The following SNX30 variants were observed in gnomAD, a reference collection of about 807,000 sequenced individuals.
SNX30 encodes sorting nexin family member 30.
A neutral mutation model predicts 46.4 loss-of-function variants in SNX30; 24 were observed. That is an observed-to-expected ratio of 0.52 (90% CI 0.37 to 0.73). The LOEUF is 0.73. Ranked by LOEUF, SNX30 falls within the 30% of genes least tolerant of loss-of-function variation. The probability of loss-of-function intolerance (pLI) is 0.00; values close to 1 mark genes in which losing one functional copy is unlikely to be tolerated. For missense variants in SNX30, 533 were observed against 555.7 expected, an observed-to-expected ratio of 0.96 and a Z score of 0.41; for synonymous variants, 189 against 211.5, an observed-to-expected ratio of 0.89 and a Z score of 0.92.
chr9:112,868,717 C>T (rs1588145046), intron 8 of SNX30, 67 bp from the exon 9 acceptor site: 2 of 1,544,342 alleles, frequency 1.3e-6, no homozygotes, highest in East Asian at 4.5e-5. Flanking sequence ...TAGGTCAGAG[C>T]AGAATTGAAG....
rs998685956 is a variant in SNX30, at chr9:112,870,463, G to C, written c.*1620G>C. 3.9e-5 allele frequency: 6 copies of C among 152,180 alleles called. No homozygotes were observed. Among genetic ancestry groups the C allele is most frequent in the Admixed American group, 3.9e-4 (6 of 15,280 alleles). 9.4% of individuals were successfully genotyped at this position (152,180 alleles called of 1,614,324 possible). On this transcript the variant is annotated 3_prime_UTR_variant, in exon 9 of 9. Transcript: ENST00000374232. Reference sequence around the variant, plus strand: ...GCAGTTGGACAGCATAGGACGGCTTGGTTCTGTTTCATTGTGTTTGACAAT... The same window carrying C: ...GCAGTTGGACAGCATAGGACGGCTTCGTTCTGTTTCATTGTGTTTGACAAT...
chr9:112,797,655 T>C (rs1002910656), intron 1 of SNX30, among the ~76,000 whole-genome samples: 5 of 151,760 alleles, frequency 3.3e-5, no homozygotes, highest in African/African-American at 1.2e-4. Context: ...GTTGATCTCT[T>C]AAGTTTCTTT....
chr9:112,885,146 T>C (rs1438071375), downstream of SNX30: 6 of 152,210 alleles, frequency 3.9e-5, no homozygotes, highest in Non-Finnish European at 5.9e-5. Context: ...CTATCTTATT[T>C]TTCTCAATTA....
Position 112,804,905 on chromosome 9 carries a change from G to A in SNX30, c.286G>A (p.Asp96Asn), listed in dbSNP as rs1346973336. 3.1e-6 allele frequency: 5 copies of A among 1,613,428 alleles called. No homozygotes were observed. The highest frequency in any genetic ancestry group is 2.2e-5 in the East Asian group (1 of 44,872). ...GETRDLFVIV[D>N]DPKKHVCTME... Reference sequence around the variant, plus strand: ...GACTAGAGATCTCTTCGTTATAGTTGATGATCCCAAGAAGCATGTGTGTAC... The same window carrying A: ...GACTAGAGATCTCTTCGTTATAGTTAATGATCCCAAGAAGCATGTGTGTAC... Residue 96 changes from aspartate to asparagine, a missense_variant, in exon 2 of 9, where the codon GAT (aspartate) becomes AAT (asparagine). Around this residue, in one of 3 missense-constraint regions of SNX30, gnomAD observed 191 missense variants for 160.3 expected, o/e 1.19. Coordinates refer to ENST00000374232, the MANE Select transcript of SNX30 (RefSeq NM_001012994.2).
intron 1 of SNX30, among the ~76,000 whole-genome samples, chr9:112,766,205 C>T (rs1839534804): frequency 6.6e-6 from 1 of 152,196 alleles, no homozygotes; most frequent in South Asian, 2.1e-4. Context: ...AAAATTCACA[C>T]TTCTTGACCA....
At position 112,752,456 on chromosome 9, in the gene SNX30, C is replaced by T. The variant is rs2051019; in HGVS notation, c.156+1299C>T. Among the ~76,000 whole-genome samples, 1,317 of 151,972 alleles carry T rather than the reference C, an allele frequency of 8.7e-3. 23 individuals are homozygous for T. Among genetic ancestry groups the T allele is most frequent in the African/African-American group, 0.03 (1,237 of 41,454 alleles). The stretch of plus-strand genomic sequence containing the variant: ...CATATCGAGACCCCGTTTCCACATA[C>T]GCACACAGCATGGTGGCATGCACCT... On this transcript the variant is annotated intron_variant, in intron 1 of 8. Transcript: ENST00000374232.
chr9:112,813,508 G>A (rs1380010253), intron 2 of SNX30, among the ~76,000 whole-genome samples: 8 of 136,766 alleles, frequency 5.8e-5, no homozygotes, highest in East Asian at 2.1e-4. Flanking sequence ...TCACTCTGTC[G>A]CCCAGGCTGG....
At chr9:112,751,892 G>A (rs1420459940) in intron 1 of SNX30, among the ~76,000 whole-genome samples, 1 of 152,122 alleles carries the variant, frequency 6.6e-6, no homozygotes, top group Non-Finnish European at 1.5e-5. Context: ...CTGCTGCTTG[G>A]AGAGACAGCA....
Position 112,836,355 on chromosome 9 carries a change from C to T in SNX30, c.760C>T (p.Leu254Phe). 1.2e-6 allele frequency: 2 copies of T among 1,609,928 alleles called. No individual in the cohort carries two copies. The highest frequency in any genetic ancestry group is 1.7e-6 in the Non-Finnish European group (2 of 1,176,398). The change falls in exon 5 of 9, where the codon CTC becomes TTC. Residue 254 changes from leucine to phenylalanine, a missense_variant. This residue lies in a region of SNX30 where 261 missense variants were observed against 270.9 expected (regional missense o/e 0.96). Coordinates refer to ENST00000374232, the MANE Select transcript of SNX30 (RefSeq NM_001012994.2). ...AGGTGACTACTTAGATACATTTGCA[C>T]TCAAACTGGGAACCATTGATCGAAT... ...AIGDYLDTFA[L>F]KLGTIDRIAQ...
intron 1 of SNX30, among the ~76,000 whole-genome samples, chr9:112,753,706 C>G (rs577512199): frequency 1.3e-5 from 2 of 152,314 alleles, no homozygotes; most frequent in South Asian, 4.1e-4. Context: ...TTTAATGAAT[C>G]TCCTAACAGC....
intron 2 of SNX30, among the ~76,000 whole-genome samples, chr9:112,814,109 G>A (rs1840360888): frequency 6.6e-6 from 1 of 152,168 alleles, no homozygotes; most frequent in Non-Finnish European, 1.5e-5. Flanking sequence ...AGCATAAAGG[G>A]CAAATATGGA....
At chr9:112,770,379 G>T (rs1383197730) in intron 1 of SNX30, among the ~76,000 whole-genome samples, 1 of 151,784 alleles carries the variant, frequency 6.6e-6, no homozygotes, top group Non-Finnish European at 1.5e-5. Flanking sequence ...CACCATGTTG[G>T]CCAGGCTGGT....
At chr9:112,797,683 C>T (rs1182884183) in intron 1 of SNX30, among the ~76,000 whole-genome samples, 3 of 148,938 alleles carry the variant, frequency 2.0e-5, no homozygotes, top group African/African-American at 4.9e-5. Context: ...TAGGTGCTTG[C>T]GCTCTCTCTT....
chr9:112,772,231 G>A (rs7030409), intron 1 of SNX30, among the ~76,000 whole-genome samples: 1,842 of 152,258 alleles, frequency 0.012, 27 homozygotes, highest in African/African-American at 0.041. Flanking sequence ...AGAGAGGAAC[G>A]ACCAACTTGT....
chr9:112,791,596 G>A (rs1588117482), intron 1 of SNX30, among the ~76,000 whole-genome samples: 1 of 151,696 alleles, frequency 6.6e-6, no homozygotes, highest in Admixed American at 6.6e-5. Context: ...ATTTTTAGTA[G>A]AGATGGGGTT....
chr9:112,852,746 G>A (rs1318543492), intron 7 of SNX30, among the ~76,000 whole-genome samples: 1 of 152,170 alleles, frequency 6.6e-6, no homozygotes, highest in Non-Finnish European at 1.5e-5. Flanking sequence ...TAAGTGGAAC[G>A]TGTATTTGTT....
intron 4 of SNX30, among the ~76,000 whole-genome samples, chr9:112,833,227 T>C (rs1308168113): frequency 6.6e-6 from 1 of 152,222 alleles, no homozygotes; most frequent in East Asian, 1.9e-4. Flanking sequence ...CCTCATTTTT[T>C]CCTTTAACAT....
chr9:112,780,242 GC>G (rs1242603730), intron 1 of SNX30, among the ~76,000 whole-genome samples: 1 of 152,188 alleles, frequency 6.6e-6, no homozygotes, highest in Non-Finnish European at 1.5e-5. Flanking sequence ...GGGTGAGAGG[GC>G]AAACCCAATC....
chr9:112,805,398 T>C (rs988186465), intron 2 of SNX30, among the ~76,000 whole-genome samples: 5 of 152,308 alleles, frequency 3.3e-5, no homozygotes, highest in Admixed American at 6.5e-5. Flanking sequence ...ATACTGTCTT[T>C]CTGGTATGTG....
Sources: gnomAD v4.1 joint callset for allele counts (sites outside exome capture counted in the v4.1 genomes callset) on GRCh38, gnomAD v4.1.1 for gene constraint, gnomAD v4.1.1 regional missense constraint, MANE v1.5 for transcripts, NCBI Gene and HGNC (gene_info 2026-07-23, HGNC 2026-07-21) for gene names.